KPNA5: variants seen among roughly 807,000 people sequenced by gnomAD.
KPNA5 encodes the protein importin subunit alpha-6.
In KPNA5, 46 loss-of-function variants were observed where a neutral mutation model predicts 71.3. The observed-to-expected ratio is 0.65, with a 90% CI of 0.51 to 0.83. The LOEUF (loss-of-function observed/expected upper bound fraction) is 0.83, where lower values mean the gene tolerates loss of function less well. KPNA5 is among the 40% of genes least tolerant of loss of function. KPNA5 has a pLI of 0.00. For missense variants in KPNA5, 547 were observed against 628.3 expected, an observed-to-expected ratio of 0.87 and a Z score of 1.38; for synonymous variants, 207 against 201.4, an observed-to-expected ratio of 1.03 and a Z score of -0.24.
chr6:116,737,725 G>T lies in KPNA5; in HGVS notation c.*5402G>T, dbSNP rs1209962215. 3 of 151,988 alleles carry T rather than the reference G, an allele frequency of 2.0e-5. No homozygotes were observed. The highest frequency in any genetic ancestry group is 7.2e-5 in the African/African-American group (3 of 41,430). 9.4% of individuals were successfully genotyped at this position (151,988 alleles called of 1,614,324 possible). ...TACTCTAGTTTGGCTTAAAGCAGAA[G>T]TTAGCATACCAATCTATGTTCTTTT... On this transcript the variant is annotated 3_prime_UTR_variant, in exon 14 of 14. Transcript: ENST00000368564.
rs766966428 is a variant in KPNA5 at position 116,705,185 on chromosome 6, A to G, written c.656+25A>G. On this transcript the variant is annotated intron_variant, in intron 7 of 13. Coordinates refer to ENST00000368564, the MANE Select transcript of KPNA5 (RefSeq NM_001366306.2). ...AGTAAGTACTTTATCACAATTAAGT[A>G]TATATCAAAAACTATATACTCCATG... 4 of 1,507,784 alleles carry G rather than the reference A, an allele frequency of 2.7e-6. No individual in the cohort carries two copies. In the South Asian group the frequency reaches 4.6e-5, roughly 17 times the overall value. 93.4% of individuals were successfully genotyped at this position (1,507,784 alleles called of 1,614,324 possible).
chr6:116,685,038 C>G (rs1373324291), intron 1 of KPNA5, among the ~76,000 whole-genome samples: 1 of 152,202 alleles, frequency 6.6e-6, no homozygotes, highest in Non-Finnish European at 1.5e-5. Context: ...TAGATATTTA[C>G]TGAGTGAAAT....
intron 8 of KPNA5, among the ~76,000 whole-genome samples, chr6:116,719,727 T>A (rs1369102265): frequency 6.6e-6 from 1 of 152,170 alleles, no homozygotes; most frequent in Non-Finnish European, 1.5e-5. Context: ...CACATGCCTG[T>A]ACTCCCAGCT....
At chr6:116,730,261 A>G (rs925350729) in intron 13 of KPNA5, among the ~76,000 whole-genome samples, 3 of 151,440 alleles carry the variant, frequency 2.0e-5, no homozygotes, top group East Asian at 3.9e-4. Context: ...TGATTTTTGT[A>G]TTTTTAGTAG....
In KPNA5 at chr6:116,739,891, A is replaced by T. The variant is rs551396266; in HGVS notation, c.*7568A>T. ...AAACATTAGACCAAAAACCATAAAA[A>T]CCCTAGAAGAAAACCTAGGCATTAC... is the stretch of plus-strand genomic sequence containing the variant. On this transcript the variant is annotated 3_prime_UTR_variant, in exon 14 of 14. Transcript: ENST00000368564. 12 of 152,026 alleles carry T rather than the reference A, an allele frequency of 7.9e-5. No homozygotes were observed. The East Asian group carries it at 2.3e-3, about 29-fold the overall frequency. The allele number at this position is 152,026 out of a possible 1,614,324, so 9.4% of individuals were successfully genotyped here. A position where few individuals can be genotyped will look rare whatever the true frequency, so the allele number is the denominator to read the frequency against.
chr6:116,682,506 C>T (rs973586684), intron 1 of KPNA5, among the ~76,000 whole-genome samples: 2 of 152,190 alleles, frequency 1.3e-5, no homozygotes, highest in African/African-American at 4.8e-5. Context: ...TCCCTCCGAC[C>T]TAAGTACTGC....
At chr6:116,729,986 C>T (rs996679609) in intron 13 of KPNA5, among the ~76,000 whole-genome samples, 18 of 147,726 alleles carry the variant, frequency 1.2e-4, no homozygotes, top group Admixed American at 1.1e-3. Context: ...TTATGTTCTA[C>T]TTTTTAACAT....
intron 7 of KPNA5, among the ~76,000 whole-genome samples, chr6:116,714,430 A>T (rs546409077): frequency 2.0e-5 from 3 of 152,322 alleles, no homozygotes; most frequent in African/African-American, 4.8e-5. Flanking sequence ...TTCAATTCTT[A>T]GTCAGGCTGA....
rs778048358 is a variant in KPNA5, at chr6:116,689,322, G to A, written c.7G>A (p.Ala3Thr). Residue 3 changes from alanine to threonine, a missense_variant and splice_region_variant, in exon 2 of 14, where the codon GCC (alanine) becomes ACC (threonine). By Grantham distance (58) the Ala-to-Thr change is moderately conservative. Transcript: ENST00000368564. ...TTTTCTTTTCTCCTTCCTTTAAGATGCCATGGCTAGTCCAGGGAAAGATAA... is the reference window on the plus strand; with the variant it reads ...TTTTCTTTTCTCCTTCCTTTAAGATACCATGGCTAGTCCAGGGAAAGATAA... The part of the protein sequence containing the change: MD[A>T]MASPGKDNYR... 1.9e-5 allele frequency: 31 copies of A among 1,601,282 alleles called. No homozygotes were observed. The highest frequency in any genetic ancestry group is 2.5e-5 in the Non-Finnish European group (30 of 1,176,664).
At chr6:116,696,655 T>G (rs1778040883) in intron 4 of KPNA5, among the ~76,000 whole-genome samples, 2 of 152,146 alleles carry the variant, frequency 1.3e-5, no homozygotes, top group Admixed American at 6.5e-5. Context: ...TCTCCAAAGC[T>G]TTTTTCTTTT....
rs919686092 is a variant in KPNA5, at chr6:116,729,801, C to T, written c.1432+60C>T. 7.5e-6 allele frequency: 8 copies of T among 1,062,014 alleles called. No homozygotes were observed. The East Asian group carries it at 2.0e-4, about 27-fold the overall frequency. The allele number at this position is 1,062,014 out of a possible 1,614,324, so 65.8% of individuals were successfully genotyped here. A position where few individuals can be genotyped will look rare whatever the true frequency, so the allele number is the denominator to read the frequency against. On this transcript the variant is annotated intron_variant, in intron 13 of 13. Coordinates refer to ENST00000368564, the MANE Select transcript of KPNA5 (RefSeq NM_001366306.2). ...AGTTCTTATATCTGTCATACTTTCC[C>T]CTTCCAGTTCCCTACAATTTTTTTG... is the stretch of plus-strand genomic sequence containing the variant.
intron 8 of KPNA5, 93 bp from the exon 9 acceptor site, chr6:116,722,033 A>C (rs572364151): frequency 9.4e-5 from 87 of 927,768 alleles, no homozygotes; most frequent in African/African-American, 8.2e-4. Context: ...TATAACATTA[A>C]ATTTTTGTTT....
rs57807333 is a variant in KPNA5, at chr6:116,710,894, T to TATATATATATATATATATATATATA, written c.657-5325_657-5324insATATATATATATATATATATATATA. 2.5e-4 allele frequency among the ~76,000 whole-genome samples: 20 copies of TATATATATATATATATATATATATA among 79,312 alleles called. 2 individuals are homozygous for TATATATATATATATATATATATATA. Among genetic ancestry groups the TATATATATATATATATATATATATA allele is most frequent in the East Asian group, 8.0e-4 (2 of 2,496 alleles). The allele number at this position is 79,312 out of a possible 152,430, so 52.0% of individuals were successfully genotyped here. ...TATTTTATATATATATATATATATATTTTTTTTTTTTTTTTTTTGAGTTGG... is the reference window on the plus strand; with the variant it reads ...TATTTTATATATATATATATATATATATATATATATATATATATATATATATTTTTTTTTTTTTTTTTTGAGTTGG... On this transcript the variant is annotated intron_variant, in intron 7 of 13. Coordinates refer to ENST00000368564, the MANE Select transcript of KPNA5 (RefSeq NM_001366306.2).
intron 1 of KPNA5, among the ~76,000 whole-genome samples, chr6:116,684,547 C>CAGGA (rs1232937212): frequency 6.6e-6 from 1 of 152,216 alleles, no homozygotes; most frequent in Non-Finnish European, 1.5e-5. Context: ...CTTTTGAACT[C>CAGGA]CTTTCCTTTG....
rs1189857503 is a variant in KPNA5, at chr6:116,740,188, T to C, written c.*7865T>C. On this transcript the variant is annotated 3_prime_UTR_variant, in exon 14 of 14. Transcript: ENST00000368564. ...CCCATCAAAAAGTGGGTGAAGGACA[T>C]GAACAGACACTTCTCAAAAGAAGAC... 6.6e-6 allele frequency: 1 copy of C among 151,980 alleles called. No individual in the cohort carries two copies. The highest frequency in any genetic ancestry group is 1.5e-5 in the Non-Finnish European group (1 of 68,012). The allele number at this position is 151,980 out of a possible 1,614,324, so 9.4% of individuals were successfully genotyped here. A position where few individuals can be genotyped will look rare whatever the true frequency, so the allele number is the denominator to read the frequency against.
chr6:116,715,250 G>GA (rs1418330020), intron 7 of KPNA5, among the ~76,000 whole-genome samples: 1 of 152,050 alleles, frequency 6.6e-6, no homozygotes, highest in African/African-American at 2.4e-5. Flanking sequence ...ACAAACTCCT[G>GA]AAATTGCATG....
At chr6:116,694,554 A>G (rs1053065535) in intron 4 of KPNA5, among the ~76,000 whole-genome samples, 1 of 152,164 alleles carries the variant, frequency 6.6e-6, no homozygotes, top group South Asian at 2.1e-4. Context: ...TTATTGGTGT[A>G]TAAGAATGCT....
chr6:116,718,385 C>T (rs919102300), intron 8 of KPNA5, among the ~76,000 whole-genome samples: 4 of 151,442 alleles, frequency 2.6e-5, no homozygotes, highest in Non-Finnish European at 5.9e-5. Flanking sequence ...GCCCCAGCCT[C>T]TTGAGTAGCT....
chr6:116,706,675 G>A lies in KPNA5; in HGVS notation c.656+1515G>A, dbSNP rs990814256. Among the ~76,000 whole-genome samples, 5 of 152,086 alleles carry A rather than the reference G, an allele frequency of 3.3e-5. No homozygotes were observed. The East Asian group carries it at 5.8e-4, about 18-fold the overall frequency. On this transcript the variant is annotated intron_variant, in intron 7 of 13. Transcript: ENST00000368564. The stretch of plus-strand genomic sequence containing the variant: ...TTGCACTCCAGCCTGGGCAACAAGA[G>A]CGAAACTCCATTTCAGATAATAATA...
Sources: allele counts gnomAD v4.1 joint callset (sites outside exome capture counted in the v4.1 genomes callset), GRCh38; gene constraint gnomAD v4.1.1; transcripts MANE v1.5; gene names NCBI Gene and HGNC (gene_info 2026-07-23, HGNC 2026-07-21).